Variants in NECTIN2 observed in about 807,000 individuals in gnomAD.
The protein encoded by NECTIN2 is nectin-2.
A neutral mutation model predicts 56.9 loss-of-function variants in NECTIN2; 23 were observed. The observed-to-expected ratio is 0.40, with a 90% CI of 0.29 to 0.57. The LOEUF (loss-of-function observed/expected upper bound fraction) is 0.57. Among genes scored for constraint, NECTIN2 ranks in the 20% least tolerant of loss-of-function variants. The pLI, the probability that NECTIN2 is intolerant of heterozygous loss-of-function variation, is 0.38. For missense variants in NECTIN2, 587 were observed against 718.3 expected (o/e 0.82, Z 2.09); for synonymous variants, 302 against 313.8 (o/e 0.96, Z 0.40).
chr19:44,877,257 C>T (rs1190071956), intron 5 of NECTIN2, among the ~76,000 whole-genome samples: 1 of 152,086 alleles, frequency 6.6e-6, no homozygotes, highest in African/African-American at 2.4e-5. Context: ...GTGAACCCCC[C>T]ACCCCCGTCT....
intron 1 of NECTIN2, among the ~76,000 whole-genome samples, chr19:44,862,287 C>T (rs1969040444): frequency 1.4e-5 from 1 of 69,096 alleles, no homozygotes; most frequent in African/African-American, 4.3e-5. Context: ...TGGTGGCGGG[C>T]ACCTGTAGTC....
rs776686957 is a variant in NECTIN2, at chr19:44,865,497, C to T, written c.315C>T (p.Phe105=). The change falls in exon 2 of 9, where the codon TTC becomes TTT. Residue 105 remains phenylalanine, a synonymous_variant. Coordinates refer to ENST00000252483, the MANE Select transcript of NECTIN2 (RefSeq NM_001042724.2). The surrounding 1 kb of genome is among the most constrained non-coding windows in gnomAD (Gnocchi z 5.2). ...AGCCTGGCAGCGAGCGGCTGTCCTT[C>T]GTCTCTGCCAAGCAGAGCACTGGGC... ...SPKPGSERLS[F]VSAKQSTGQD... is the part of the protein sequence containing the mutation. The T allele has an allele frequency of 9.3e-6, 15 of 1,606,130 alleles. No homozygotes were observed. Among genetic ancestry groups the T allele is most frequent in the Admixed American group, 5.1e-5 (3 of 58,628 alleles).
intron 6 of NECTIN2, among the ~76,000 whole-genome samples, chr19:44,883,520 C>T (rs1172841814): frequency 1.3e-5 from 2 of 152,182 alleles, no homozygotes; most frequent in Admixed American, 6.5e-5. Context: ...AGTGATCCAC[C>T]CGCCTCGGCC....
intron 5 of NECTIN2, among the ~76,000 whole-genome samples, chr19:44,879,739 C>T (rs73050302): frequency 2.0e-5 from 3 of 152,144 alleles, no homozygotes; most frequent in Non-Finnish European, 2.9e-5. Context: ...CTCTGTAACA[C>T]GGGGCAGGTG....
At chr19:44,864,608 C>A (rs1012820509) in intron 1 of NECTIN2, among the ~76,000 whole-genome samples, 1 of 152,108 alleles carries the variant, frequency 6.6e-6, no homozygotes, top group Non-Finnish European at 1.5e-5. Context: ...ATCACGAGGT[C>A]AGGAGATTGA....
intron 5 of NECTIN2, among the ~76,000 whole-genome samples, chr19:44,877,643 A>G (rs1969254774): frequency 6.6e-6 from 1 of 152,250 alleles, no homozygotes; most frequent in Non-Finnish European, 1.5e-5. Context: ...TTGGGATCAG[A>G]CAGCCTCCCA....
chr19:44,878,256 C>A, intron 5 of NECTIN2: 1 of 919,120 alleles, frequency 1.1e-6, no homozygotes, highest in Non-Finnish European at 1.7e-6. Flanking sequence ...GATGTGGGCC[C>A]GCTGGTGTGG....
At chr19:44,878,227 C>T in intron 5 of NECTIN2, 1 of 694,130 alleles carries the variant, frequency 1.4e-6, no homozygotes, top group South Asian at 1.8e-5. Context: ...CCTCAGAAAC[C>T]CCCAGGGCCT....
At position 44,888,980 on chromosome 19, in the gene NECTIN2, A is replaced by G. The variant is rs1032085484; in HGVS notation, c.*601A>G. ...ACCCCCACCCCAATTCCTGCCTACC[A>G]AGCAAGCAGCCCCAGCCTAGGGTCA... is the stretch of plus-strand genomic sequence containing the variant. On this transcript the variant is annotated 3_prime_UTR_variant, in exon 9 of 9. Transcript: ENST00000252483. 7.5e-6 allele frequency: 1 copy of G among 132,818 alleles called. No individual in the cohort carries two copies. Among genetic ancestry groups the G allele is most frequent in the Non-Finnish European group, 1.6e-5 (1 of 63,622 alleles). The allele number at this position is 132,818 out of a possible 1,614,324, so 8.2% of individuals were successfully genotyped here. A position where few individuals can be genotyped will look rare whatever the true frequency, so the allele number is the denominator to read the frequency against.
chr19:44,887,028 A>G (rs1160611729), intron 8 of NECTIN2, among the ~76,000 whole-genome samples: 4 of 151,248 alleles, frequency 2.6e-5, no homozygotes, highest in Non-Finnish European at 4.4e-5. Flanking sequence ...AAAAAAAAAA[A>G]AAGAGGAAAA....
At position 44,857,705 on chromosome 19, in the gene NECTIN2, G is replaced by GTTTTT. The variant is rs752045466; in HGVS notation, c.89-7565_89-7561dup. 1.3e-4 allele frequency among the ~76,000 whole-genome samples: 15 copies of GTTTTT among 118,602 alleles called. 3 individuals are homozygous for GTTTTT. The highest frequency in any genetic ancestry group is 1.0e-4 in the Non-Finnish European group (6 of 57,770). The allele number at this position is 118,602 out of a possible 152,430, so 77.8% of individuals were successfully genotyped here. A position where few individuals can be genotyped will look rare whatever the true frequency, so the allele number is the denominator to read the frequency against. The stretch of plus-strand genomic sequence containing the variant: ...GCGTGAGCCATCGTGCCGGGTTTTT[G>GTTTTT]TTTTTGTTTTTTTTTTTTTAAGAGA... On this transcript the variant is annotated intron_variant, in intron 1 of 8. Coordinates refer to ENST00000252483, the MANE Select transcript of NECTIN2 (RefSeq NM_001042724.2).
At chr19:44,849,645 G>C (rs925889084) in intron 1 of NECTIN2, among the ~76,000 whole-genome samples, 2 of 152,172 alleles carry the variant, frequency 1.3e-5, no homozygotes, top group Non-Finnish European at 2.9e-5. Flanking sequence ...CAGGGCACTG[G>C]AGACCCAGGA....
intron 1 of NECTIN2, among the ~76,000 whole-genome samples, chr19:44,854,744 C>G (rs566337141): frequency 6.6e-6 from 1 of 152,080 alleles, no homozygotes; most frequent in African/African-American, 2.4e-5. Flanking sequence ...GCTGGGGAGG[C>G]GGAGGCTGTA....
chr19:44,879,592 G>A (rs1490466863), intron 5 of NECTIN2, among the ~76,000 whole-genome samples: 12 of 152,070 alleles, frequency 7.9e-5, no homozygotes, highest in Admixed American at 6.5e-5. Flanking sequence ...TGGGAGTGGC[G>A]GCAGCTCCCT....
chr19:44,850,508 G>C (rs1477403894), intron 1 of NECTIN2, among the ~76,000 whole-genome samples: 1 of 152,020 alleles, frequency 6.6e-6, no homozygotes, highest in East Asian at 1.9e-4. Flanking sequence ...AGCCAAAGGT[G>C]GTGGTGTGTG....
chr19:44,879,055 G>C (rs749661696), intron 5 of NECTIN2: 4 of 416,678 alleles, frequency 9.6e-6, no homozygotes, highest in Non-Finnish European at 1.3e-5. Flanking sequence ...CCCGGGGAAC[G>C]AGAGCCTGGC....
At position 44,853,223 on chromosome 19, in the gene NECTIN2, GTC is replaced by G. The variant is rs201323208; in HGVS notation, c.88+6613_88+6614del. ...AATGGGATTTTTTTTTTCAGACGGA[GTC>G]TCCCTCTGTCCCCCCAGCTGGAGTG... On this transcript the variant is annotated intron_variant, in intron 1 of 8. Coordinates refer to ENST00000252483, the MANE Select transcript of NECTIN2 (RefSeq NM_001042724.2). 6.6e-5 allele frequency among the ~76,000 whole-genome samples: 10 copies of G among 151,992 alleles called. No homozygotes were observed. The East Asian group carries it at 1.9e-3, about 29-fold the overall frequency.
chr19:44,880,384 C>G (rs907879650), intron 5 of NECTIN2, among the ~76,000 whole-genome samples: 3 of 150,456 alleles, frequency 2.0e-5, no homozygotes, highest in Non-Finnish European at 4.4e-5. Flanking sequence ...TTAGGAAAGA[C>G]TTGAGAAATG....
At chr19:44,866,360 A>G (rs1428401517) in intron 2 of NECTIN2, among the ~76,000 whole-genome samples, 5 of 151,704 alleles carry the variant, frequency 3.3e-5, no homozygotes, top group Non-Finnish European at 5.9e-5. Context: ...AGCTGTGATC[A>G]TGCCACTACA....
Sources: gnomAD v4.1 joint callset for allele counts (sites outside exome capture counted in the v4.1 genomes callset) on GRCh38, gnomAD v4.1.1 for gene constraint, Gnocchi (gnomAD v3.1) non-coding constraint, MANE v1.5 for transcripts, NCBI Gene and HGNC (gene_info 2026-07-23, HGNC 2026-07-21) for gene names.